The following BMPR2 variants were observed in gnomAD, a reference collection of about 807,000 sequenced individuals.
BMPR2 encodes the protein bone morphogenetic protein receptor type-2.
A neutral mutation model predicts 100.8 loss-of-function variants in BMPR2; 29 were observed. The ratio of observed to expected loss-of-function variants is 0.29; its 90% CI spans 0.21 to 0.39. BMPR2 has a LOEUF of 0.39. Among genes scored for constraint, BMPR2 ranks in the 10% least tolerant of loss-of-function variants. The probability of loss-of-function intolerance (pLI) is 1.00; values close to 1 mark genes in which losing one functional copy is unlikely to be tolerated. For missense variants in BMPR2, 1,011 were observed against 1,274.5 expected (o/e 0.79, Z 3.15); for synonymous variants, 382 against 442.3 (o/e 0.86, Z 1.71).
chr2:202,526,005 A>ACCACCC (rs1687905342), intron 7 of BMPR2, among the ~76,000 whole-genome samples: 1 of 151,586 alleles, frequency 6.6e-6, no homozygotes, highest in African/African-American at 2.4e-5. Context: ...AGCTGGGATT[A>ACCACCC]CAGGCATGCA....
intron 1 of BMPR2, among the ~76,000 whole-genome samples, chr2:202,451,431 G>A (rs1465533886): frequency 6.6e-6 from 1 of 152,188 alleles, no homozygotes; most frequent in Non-Finnish European, 1.5e-5. Context: ...GGACACAGTG[G>A]CCCACGCCTG....
At chr2:202,547,762 G>A (rs1381533131) in intron 10 of BMPR2, among the ~76,000 whole-genome samples, 4 of 119,582 alleles carry the variant, frequency 3.3e-5, no homozygotes, top group Admixed American at 9.8e-5. Context: ...CAGCCTGGAC[G>A]ACAGAGCAAG....
intron 3 of BMPR2, among the ~76,000 whole-genome samples, chr2:202,479,153 T>C (rs6722942): frequency 0.046 from 7,025 of 152,232 alleles, 536 homozygotes; most frequent in African/African-American, 0.16. Context: ...TGACTGTTAT[T>C]TTGCTGATGT....
chr2:202,389,056 C>T (rs528635066), intron 1 of BMPR2, among the ~76,000 whole-genome samples: 1 of 151,862 alleles, frequency 6.6e-6, no homozygotes, highest in South Asian at 2.1e-4. Flanking sequence ...ATAATGAGAA[C>T]CCTGTCTCTA....
At chr2:202,404,344 A>G (rs1321590396) in intron 1 of BMPR2, among the ~76,000 whole-genome samples, 2 of 151,784 alleles carry the variant, frequency 1.3e-5, no homozygotes, top group Admixed American at 1.3e-4. Context: ...GGCATGCACC[A>G]CTGCACCCGG....
chr2:202,524,914 G>T (rs377583609), intron 7 of BMPR2, among the ~76,000 whole-genome samples: 8 of 151,920 alleles, frequency 5.3e-5, no homozygotes, highest in Admixed American at 5.2e-4. Context: ...GGTGGCAGGT[G>T]CCTGTAATCC....
chr2:202,440,331 G>A (rs2105938290), intron 1 of BMPR2, among the ~76,000 whole-genome samples: 1 of 149,612 alleles, frequency 6.7e-6, no homozygotes, highest in South Asian at 2.1e-4. Context: ...CCCAGACGGG[G>A]TCGCGGCCGG....
intron 3 of BMPR2, among the ~76,000 whole-genome samples, chr2:202,474,556 T>A (rs1364290248): frequency 6.6e-6 from 1 of 152,134 alleles, no homozygotes; most frequent in Non-Finnish European, 1.5e-5. Flanking sequence ...AGTCTCGCTC[T>A]GTCGCCCAGG....
At chr2:202,439,252 G>A (rs1364119928) in intron 1 of BMPR2, among the ~76,000 whole-genome samples, 2 of 149,086 alleles carry the variant, frequency 1.3e-5, no homozygotes, top group Admixed American at 1.3e-4. Flanking sequence ...TCTTAATTTC[G>A]CATTTGGATT....
intron 11 of BMPR2, among the ~76,000 whole-genome samples, chr2:202,553,253 CTT>C (rs542855852): frequency 6.8e-6 from 1 of 147,668 alleles, no homozygotes. Flanking sequence ...TCTTCCTCTG[CTT>C]TTTTTTTTAA....
chr2:202,520,528 C>A, intron 7 of BMPR2: 1 of 352,410 alleles, frequency 2.8e-6, no homozygotes, highest in Non-Finnish European at 5.3e-6. Context: ...TCTACAGAAA[C>A]AAGTTAAAGT....
At chr2:202,436,772 C>T (rs915418525) in intron 1 of BMPR2, among the ~76,000 whole-genome samples, 2 of 150,574 alleles carry the variant, frequency 1.3e-5, no homozygotes, top group African/African-American at 5.0e-5. Context: ...TCTTTTCATA[C>T]AGTTTTTCCA....
intron 3 of BMPR2, among the ~76,000 whole-genome samples, chr2:202,471,397 A>G (rs1456502977): frequency 6.6e-6 from 1 of 152,202 alleles, no homozygotes; most frequent in Non-Finnish European, 1.5e-5. Context: ...CCTTCCACAT[A>G]TCTCAAGGGA....
intron 1 of BMPR2, among the ~76,000 whole-genome samples, chr2:202,439,709 A>G (rs1337067500): frequency 6.8e-6 from 1 of 147,280 alleles, no homozygotes; most frequent in Non-Finnish European, 1.5e-5. Flanking sequence ...GTTTTTCACC[A>G]TTAAGTATGC....
intron 1 of BMPR2, among the ~76,000 whole-genome samples, chr2:202,379,890 C>T (rs1156413123): frequency 2.0e-5 from 3 of 151,078 alleles, no homozygotes; most frequent in African/African-American, 7.3e-5. Context: ...CAGAGTATCA[C>T]TCTGTCGCCC....
At position 202,535,689 on chromosome 2, in the gene BMPR2, C is replaced by G. The variant is rs368392563; in HGVS notation, c.1276+2957C>G. Reference sequence around the variant, plus strand: ...CTCACTTCCCAGACGGGGTGGCGGCCGGGCAGAGGCTGCAATCTCAGCACT... The same window carrying G: ...CTCACTTCCCAGACGGGGTGGCGGCGGGGCAGAGGCTGCAATCTCAGCACT... On this transcript the variant is annotated intron_variant, in intron 9 of 12. Coordinates refer to ENST00000374580, the MANE Select transcript of BMPR2 (RefSeq NM_001204.7). Among the ~76,000 whole-genome samples, 7 of 152,116 alleles carry G rather than the reference C, an allele frequency of 4.6e-5. No individual in the cohort carries two copies. The South Asian group carries it at 6.2e-4, about 14-fold the overall frequency.
chr2:202,535,405 C>CG (rs1257478117), intron 9 of BMPR2, among the ~76,000 whole-genome samples: 1 of 149,962 alleles, frequency 6.7e-6, no homozygotes, highest in Non-Finnish European at 1.5e-5. Context: ...ACCTCCCAGA[C>CG]GGGGTCTCGG....
intron 3 of BMPR2, among the ~76,000 whole-genome samples, chr2:202,497,439 T>C (rs990562841): frequency 1.3e-5 from 2 of 152,062 alleles, no homozygotes; most frequent in African/African-American, 4.8e-5. Context: ...GCTGCCAGAG[T>C]AAAGACACGG....
intron 1 of BMPR2, among the ~76,000 whole-genome samples, chr2:202,417,526 C>T (rs1445128203): frequency 6.6e-6 from 1 of 151,492 alleles, no homozygotes; most frequent in Non-Finnish European, 1.5e-5. Flanking sequence ...TGGTCTCAAA[C>T]TCCCGACCTC....
Sources: gnomAD v4.1 joint callset for allele counts (sites outside exome capture counted in the v4.1 genomes callset) on GRCh38, gnomAD v4.1.1 for gene constraint, MANE v1.5 for transcripts, NCBI Gene and HGNC (gene_info 2026-07-23, HGNC 2026-07-21) for gene names.